The following PSMA1 variants were observed in gnomAD, a reference collection of about 807,000 sequenced individuals.
PSMA1 encodes the protein proteasome 20S subunit alpha 1, also known as proteasome subunit alpha type-1.
PSMA1 carries 3 observed loss-of-function variants against 38.4 expected under a neutral mutation model. That is an observed-to-expected ratio of 0.08 (90% CI 0.04 to 0.20). The LOEUF is 0.20. PSMA1 is among the 10% of genes least tolerant of loss of function. The pLI is 1.00. For synonymous variants in PSMA1, 101 were observed against 107.1 expected, an observed-to-expected ratio of 0.94 and a Z score of 0.35; for missense variants, 227 against 325.3, an observed-to-expected ratio of 0.70 and a Z score of 2.32.
At chr11:14,541,053 C>T (rs1490961139) in intron 2 of PSMA1, among the ~76,000 whole-genome samples, 1 of 151,852 alleles carries the variant, frequency 6.6e-6, no homozygotes, top group Non-Finnish European at 1.5e-5. Context: ...CAAACCTGCA[C>T]GTTGTGAACA....
At chr11:14,559,496 T>C (rs1038446453) in intron 2 of PSMA1, among the ~76,000 whole-genome samples, 2 of 152,164 alleles carry the variant, frequency 1.3e-5, no homozygotes, top group Admixed American at 1.3e-4. Context: ...GTGGGACTAG[T>C]GGCTTTCTGG....
intron 2 of PSMA1, among the ~76,000 whole-genome samples, chr11:14,575,390 C>T (rs1176729469): frequency 1.3e-5 from 2 of 152,012 alleles, no homozygotes; most frequent in Admixed American, 1.3e-4. Flanking sequence ...GGTATATCTC[C>T]TAATGCTATC....
At position 14,576,405 on chromosome 11, in the gene PSMA1, G is replaced by A. The variant is rs551525700; in HGVS notation, c.21+34561C>T. On this transcript the variant is annotated intron_variant, in intron 2 of 10. Coordinates refer to the PSMA1 transcript ENST00000418988. ...CTAGGTTTTCTTCTAGGGTTTTTATGGTTTTAGGTCTAACATTTAAGTCTT... is the reference window on the plus strand; with the variant it reads ...CTAGGTTTTCTTCTAGGGTTTTTATAGTTTTAGGTCTAACATTTAAGTCTT... Among the ~76,000 whole-genome samples, 991 of 152,198 alleles carry A rather than the reference G, an allele frequency of 6.5e-3. 9 individuals are homozygous for A. Among genetic ancestry groups the A allele is most frequent in the African/African-American group, 0.022 (929 of 41,524 alleles).
chr11:14,521,185 TG>T (rs1177936378), upstream of PSMA1, among the ~76,000 whole-genome samples: 4 of 152,170 alleles, frequency 2.6e-5, no homozygotes, highest in Non-Finnish European at 5.9e-5. Flanking sequence ...AGACTGGGTG[TG>T]GTGGCTCACG....
At chr11:14,579,509 T>TTTTTTTC (rs746024063) in intron 2 of PSMA1, among the ~76,000 whole-genome samples, 1 of 125,428 alleles carries the variant, frequency 8.0e-6, no homozygotes. Flanking sequence ...TTTTTTTTTT[T>TTTTTTTC]AAATAAGGTA....
chr11:14,518,988 T>C lies in PSMA1; in HGVS notation c.48+9A>G, dbSNP rs1851480073. The stretch of plus-strand genomic sequence containing the variant: ...ACTTCACAGAAAAGGTTTAAAAACA[T>C]TATTTTACCTGGGGGCTCCAAACAG... On this transcript the variant is annotated intron_variant, in intron 2 of 9. Transcript: ENST00000396394. The C allele has an allele frequency of 1.3e-6, 2 of 1,573,178 alleles. No individual in the cohort carries two copies. Among genetic ancestry groups the C allele is most frequent in the Non-Finnish European group, 1.7e-6 (2 of 1,159,722 alleles).
intron 2 of PSMA1, among the ~76,000 whole-genome samples, chr11:14,566,133 C>A (rs1852068818): frequency 6.6e-6 from 1 of 152,086 alleles, no homozygotes; most frequent in South Asian, 2.1e-4. Context: ...GGGGCTAGGG[C>A]TTTGGCTTTT....
At chr11:14,565,844 C>G (rs994911397) in intron 2 of PSMA1, among the ~76,000 whole-genome samples, 1 of 152,110 alleles carries the variant, frequency 6.6e-6, no homozygotes, top group Non-Finnish European at 1.5e-5. Flanking sequence ...TGTTTATTTC[C>G]ACAGTATTTA....
intron 2 of PSMA1, among the ~76,000 whole-genome samples, chr11:14,587,114 A>C (rs1323481909): frequency 6.6e-6 from 1 of 152,166 alleles, no homozygotes; most frequent in Non-Finnish European, 1.5e-5. Flanking sequence ...TTTCAGGTAG[A>C]AAGGTAGCTT....
chr11:14,540,371 C>T (rs1383830388), intron 2 of PSMA1, among the ~76,000 whole-genome samples: 2 of 152,200 alleles, frequency 1.3e-5, no homozygotes, highest in Non-Finnish European at 2.9e-5. Context: ...GTGAACTAGA[C>T]AGGCTTTTAG....
intron 2 of PSMA1, among the ~76,000 whole-genome samples, chr11:14,559,656 T>C (rs567770310): frequency 6.6e-6 from 1 of 152,328 alleles, no homozygotes; most frequent in South Asian, 2.1e-4. Flanking sequence ...AAACAAGGTG[T>C]CCATGCTGCT....
chr11:14,573,280 C>T (rs370558398), intron 2 of PSMA1, among the ~76,000 whole-genome samples: 10 of 152,226 alleles, frequency 6.6e-5, no homozygotes, highest in South Asian at 6.2e-4. Context: ...ACTGGCAAAC[C>T]GAATCCAGCA....
intron 2 of PSMA1, among the ~76,000 whole-genome samples, chr11:14,572,893 G>A (rs1009468146): frequency 6.6e-6 from 1 of 152,144 alleles, no homozygotes; most frequent in African/African-American, 2.4e-5. Flanking sequence ...ACACCTCTAC[G>A]CAAATAAACT....
At chr11:14,531,596 A>C (rs1851648480) in intron 2 of PSMA1, among the ~76,000 whole-genome samples, 1 of 152,032 alleles carries the variant, frequency 6.6e-6, no homozygotes, top group Non-Finnish European at 1.5e-5. Context: ...AGTAGCTGGG[A>C]TCACAGTTCT....
chr11:14,601,033 T>C (rs1426481311), intron 2 of PSMA1, among the ~76,000 whole-genome samples: 1 of 152,206 alleles, frequency 6.6e-6, no homozygotes, highest in Non-Finnish European at 1.5e-5. Flanking sequence ...GGGAAACAAA[T>C]CACTCATTCC....
intron 2 of PSMA1, among the ~76,000 whole-genome samples, chr11:14,572,105 C>T (rs574728471): frequency 2.2e-4 from 33 of 152,216 alleles, no homozygotes; most frequent in Middle Eastern, 6.8e-3. Context: ...GACAGATCAA[C>T]GAAACAGAAA....
rs1356810068 is a variant in PSMA1, at chr11:14,505,027, G to A, written c.*165C>T. On this transcript the variant is annotated 3_prime_UTR_variant, in exon 10 of 10. Coordinates refer to ENST00000396394, the MANE Select transcript of PSMA1 (RefSeq NM_002786.4). ...AAAGAAAAATGTATTCCATTATATA[G>A]GTTTCAGTGAGGTTGCTTGGAAAAA... 2 of 663,550 alleles carry A rather than the reference G, an allele frequency of 3.0e-6. No homozygotes were observed. The highest frequency in any genetic ancestry group is 2.3e-5 in the Admixed American group (1 of 42,586). The allele number at this position is 663,550 out of a possible 1,614,324, so 41.1% of individuals were successfully genotyped here.
At position 14,580,287 on chromosome 11, in the gene PSMA1, T is replaced by C. The variant is rs570616128; in HGVS notation, c.21+30679A>G. 2.0e-5 allele frequency among the ~76,000 whole-genome samples: 3 copies of C among 152,294 alleles called. No individual in the cohort carries two copies. In the South Asian group the frequency reaches 6.2e-4, roughly 32 times the overall value. On this transcript the variant is annotated intron_variant, in intron 2 of 10. Coordinates refer to the PSMA1 transcript ENST00000418988. Reference sequence around the variant, plus strand: ...CTGTCTGCTCCTGCCATACTAAAATTCTTGCTATTTCTCAAACACGTCTTA... The same window carrying C: ...CTGTCTGCTCCTGCCATACTAAAATCCTTGCTATTTCTCAAACACGTCTTA...
chr11:14,581,569 C>T (rs1852281948), intron 2 of PSMA1, among the ~76,000 whole-genome samples: 2 of 151,972 alleles, frequency 1.3e-5, no homozygotes, highest in African/African-American at 4.8e-5. Context: ...GGCAAATACA[C>T]TAAAAAAATC....
Sources: gnomAD v4.1 joint callset for allele counts (sites outside exome capture counted in the v4.1 genomes callset) on GRCh38, gnomAD v4.1.1 for gene constraint, MANE v1.5 for transcripts, NCBI Gene and HGNC (gene_info 2026-07-23, HGNC 2026-07-21) for gene names.